Variants in TARBP1 observed in about 807,000 individuals in gnomAD.
The protein encoded by TARBP1 is tRNA guanosine 2 -O-methyltransferase TARBP1.
Under a neutral mutation model 178.6 loss-of-function variants are expected in TARBP1, and 144 were observed. The observed-to-expected ratio is 0.81, with a 90% CI of 0.70 to 0.93. The LOEUF is 0.93. Ranked by LOEUF, TARBP1 falls within the 40% of genes least tolerant of loss-of-function variation. TARBP1 has a pLI of 0.00. For missense variants in TARBP1, 2,067 were observed against 2,011.7 expected, an observed-to-expected ratio of 1.03 and a Z score of -0.53; for synonymous variants, 787 against 781.0, an observed-to-expected ratio of 1.01 and a Z score of -0.13.
At chr1:234,475,610 T>C (rs1669498950) in intron 1 of TARBP1, among the ~76,000 whole-genome samples, 1 of 152,212 alleles carries the variant, frequency 6.6e-6, no homozygotes, top group African/African-American at 2.4e-5. Flanking sequence ...GCAACGATTA[T>C]TGCCACTGGA....
At chr1:234,463,382 C>T (rs1424944969) in intron 6 of TARBP1, among the ~76,000 whole-genome samples, 1 of 152,178 alleles carries the variant, frequency 6.6e-6, no homozygotes, top group African/African-American at 2.4e-5. Flanking sequence ...CCTCGGCCTC[C>T]CAAAGTGCTG....
At chr1:234,427,553 G>A (rs943015605) in intron 18 of TARBP1, 23 bp downstream of exon 18, 1 of 1,582,080 alleles carries the variant, frequency 6.3e-7, no homozygotes, top group African/African-American at 1.4e-5. Flanking sequence ...GTTATGACCA[G>A]TTGAAATAAT....
chr1:234,478,867 G>A lies in TARBP1; in HGVS notation c.237C>T (p.Arg79=), dbSNP rs1215937174. Residue 79 remains arginine (R), a synonymous_variant, in exon 1 of 30, where the codon CGC becomes CGT. Transcript: ENST00000040877. ...LVPLLRSLRG[R]PAGGPDPSLQ... is the part of the protein sequence containing the mutation. ...GACTGGGGTCCGGGCCGCCCGCGGGGCGTCCGCGCAGGCTCCGCAGCAGTG... is the reference window on the plus strand; with the variant it reads ...GACTGGGGTCCGGGCCGCCCGCGGGACGTCCGCGCAGGCTCCGCAGCAGTG... The A allele has an allele frequency of 8.6e-6, 11 of 1,282,470 alleles. No homozygotes were observed. Among genetic ancestry groups the A allele is most frequent in the East Asian group, 6.5e-5 (2 of 30,682 alleles). The allele number at this position is 1,282,470 out of a possible 1,614,324, so 79.4% of individuals were successfully genotyped here. A position where few individuals can be genotyped will look rare whatever the true frequency, so the allele number is the denominator to read the frequency against.
chr1:234,439,224 A>G (rs1428439708), intron 12 of TARBP1, among the ~76,000 whole-genome samples: 2 of 152,212 alleles, frequency 1.3e-5, no homozygotes, highest in African/African-American at 4.8e-5. Flanking sequence ...AGTAAATATA[A>G]CAGGCCCTTT....
chr1:234,420,906 A>C (rs1225913251), intron 20 of TARBP1, 94 bp from the exon 21 acceptor site: 1 of 698,888 alleles, frequency 1.4e-6, no homozygotes, highest in African/African-American at 1.8e-5. Context: ...TAAGTGGCTT[A>C]AATTAGGCAC....
chr1:234,467,534 T>G lies in TARBP1; in HGVS notation c.1216A>C (p.Lys406Gln). 6.3e-7 allele frequency: 1 copy of G among 1,596,518 alleles called. No individual in the cohort carries two copies. The highest frequency in any genetic ancestry group is 8.5e-7 in the Non-Finnish European group (1 of 1,174,846). ...VIHFLELYET[K>Q]ILPFSPEFSE... ...AATTCTGGTGAAAATGGAAGAATCT[T>G]TGTTTCATACAGCTCCAAAAAATGG... Residue 406 changes from lysine to glutamine, a missense_variant, in exon 4 of 30, where the codon AAG becomes CAG. Physicochemically the swap from Lys to Gln is moderately conservative, Grantham distance 53. Transcript: ENST00000040877.
chr1:234,471,125 T>C lies in TARBP1; in HGVS notation c.1099+63A>G. ...AAAATTCTCTACAATGAACAGGAAT[T>C]AGTTACAAAATCAGGGGAAAACCAT... On this transcript the variant is annotated intron_variant, in intron 3 of 29. Coordinates refer to ENST00000040877, the MANE Select transcript of TARBP1 (RefSeq NM_005646.4). 6.6e-6 allele frequency: 8 copies of C among 1,210,050 alleles called. No individual in the cohort carries two copies. In the South Asian group the frequency reaches 1.1e-4, roughly 17 times the overall value. 75.0% of individuals were successfully genotyped at this position (1,210,050 alleles called of 1,614,324 possible).
chr1:234,456,988 A>G (rs183989732), intron 9 of TARBP1, among the ~76,000 whole-genome samples: 3 of 152,342 alleles, frequency 2.0e-5, no homozygotes, highest in Non-Finnish European at 4.4e-5. Flanking sequence ...AGCCACATAA[A>G]TAACAAATAA....
chr1:234,470,702 G>A (rs887726128), intron 3 of TARBP1, among the ~76,000 whole-genome samples: 5 of 150,378 alleles, frequency 3.3e-5, no homozygotes, highest in South Asian at 4.2e-4. Context: ...TGCAACCTCC[G>A]CCTCCTGGAT....
intron 2 of TARBP1, among the ~76,000 whole-genome samples, chr1:234,472,340 A>G: frequency 6.7e-6 from 1 of 150,074 alleles, no homozygotes; most frequent in East Asian, 1.9e-4. Flanking sequence ...AAAAAAAAAA[A>G]AAAAAAAAAA....
In TARBP1 at chr1:234,446,932, G is replaced by T; in HGVS notation, c.2005C>A (p.Pro669Thr). Residue 669 changes from proline (P) to threonine (T), a missense_variant, in exon 12 of 30, where the codon CCT (proline) becomes ACT (threonine). Transcript: ENST00000040877. Reference sequence around the variant, plus strand: ...AACTTCATAAGCACATCCAGAAGAGGGTCTAAGAATATCCGCAATACATTC... The same window carrying T: ...AACTTCATAAGCACATCCAGAAGAGTGTCTAAGAATATCCGCAATACATTC... ...TENVLRIFLD[P>T]LLDVLMKFST... 2 of 1,613,756 alleles carry T rather than the reference G, an allele frequency of 1.2e-6. No individual in the cohort carries two copies. Among genetic ancestry groups the T allele is most frequent in the Non-Finnish European group, 1.7e-6 (2 of 1,179,842 alleles).
In TARBP1 at chr1:234,459,236, T is replaced by C. The variant is rs369401406; in HGVS notation, c.1626A>G (p.Leu542=). ...TAACAAAAGAAAAACTTACCACATC[T>C]AGCAAATTCATAGCTGTTTGAAGAA... ...CYLLQTAMNL[L]DVEKVSLSDV... is the part of the protein sequence containing the mutation. Residue 542 remains leucine, a synonymous_variant, in exon 8 of 30, where the codon CTA becomes CTG. Transcript: ENST00000040877. The C allele has an allele frequency of 5.0e-6, 8 of 1,608,382 alleles. No individual in the cohort carries two copies. Among genetic ancestry groups the C allele is most frequent in the Admixed American group, 1.7e-5 (1 of 58,374 alleles).
chr1:234,392,721 T>C, intron 28 of TARBP1, 169 bp from the exon 29 acceptor site: 1 of 549,548 alleles, frequency 1.8e-6, no homozygotes, highest in Non-Finnish European at 2.9e-6. Context: ...TTCTTTTTTT[T>C]TTTTTTTGAG....
In TARBP1 at chr1:234,457,730, T is replaced by A; in HGVS notation, c.1659A>T (p.Ser553=). 1 of 1,610,038 alleles carries A rather than the reference T, an allele frequency of 6.2e-7. No homozygotes were observed. Among genetic ancestry groups the A allele is most frequent in the Non-Finnish European group, 8.5e-7 (1 of 1,177,338 alleles). The change falls in exon 9 of 30, where the codon TCA becomes TCT. Residue 553 remains serine (S), a synonymous_variant. Coordinates refer to ENST00000040877, the MANE Select transcript of TARBP1 (RefSeq NM_005646.4). The part of the protein sequence containing the change: ...DVEKVSLSDV[S]TFLMSLRQEE... ...CTTGTCTCAGAGACATGAGAAAAGT[T>A]GAGACATCAGAAAGTGACACTTTCT...
chr1:234,433,234 T>C (rs1268935938), intron 14 of TARBP1, among the ~76,000 whole-genome samples, 176 bp downstream of exon 14: 1 of 152,086 alleles, frequency 6.6e-6, no homozygotes, highest in East Asian at 1.9e-4. Context: ...CCAGACTCCA[T>C]CTCCAAAAAA....
intron 13 of TARBP1, among the ~76,000 whole-genome samples, chr1:234,436,499 A>G (rs1405622910): frequency 1.4e-4 from 22 of 152,164 alleles, no homozygotes. Flanking sequence ...GATTTTCATA[A>G]TAGCTTCCTT....
chr1:234,444,022 G>A (rs1665885040), intron 12 of TARBP1, among the ~76,000 whole-genome samples: 2 of 152,202 alleles, frequency 1.3e-5, no homozygotes, highest in South Asian at 4.1e-4. Flanking sequence ...AGGAAAATTG[G>A]AGATGGATGA....
In TARBP1 at chr1:234,459,101, C is replaced by T. The variant is rs1364801470; in HGVS notation, c.1632+129G>A. On this transcript the variant is annotated intron_variant, in intron 8 of 29. Transcript: ENST00000040877. ...ATCATATGTATTATTTTATTACAAGCACATTTATTATTTTATTACAAGCAG... is the reference window on the plus strand; with the variant it reads ...ATCATATGTATTATTTTATTACAAGTACATTTATTATTTTATTACAAGCAG... 15 of 631,812 alleles carry T rather than the reference C, an allele frequency of 2.4e-5. No homozygotes were observed. In the South Asian group the frequency reaches 2.8e-4, roughly 12 times the overall value. The allele number at this position is 631,812 out of a possible 1,614,324, so 39.1% of individuals were successfully genotyped here. A position where few individuals can be genotyped will look rare whatever the true frequency, so the allele number is the denominator to read the frequency against.
chr1:234,408,926 G>A (rs1042815525), intron 23 of TARBP1, among the ~76,000 whole-genome samples: 3 of 152,144 alleles, frequency 2.0e-5, no homozygotes, highest in African/African-American at 4.8e-5. Context: ...CCTGTTGGGC[G>A]GTTACCACCT....
Sources: gnomAD v4.1 joint callset for allele counts (sites outside exome capture counted in the v4.1 genomes callset) on GRCh38, gnomAD v4.1.1 for gene constraint, MANE v1.5 for transcripts, NCBI Gene and HGNC (gene_info 2026-07-23, HGNC 2026-07-21) for gene names.